The following FAM171A1 variants were observed in gnomAD, a reference collection of about 807,000 sequenced individuals.
The protein encoded by FAM171A1 is family with sequence similarity 171 member A1, also known as protein FAM171A1.
Under a neutral mutation model 74.9 loss-of-function variants are expected in FAM171A1, and 23 were observed. That is an observed-to-expected ratio of 0.31 (90% CI 0.22 to 0.44). The LOEUF (loss-of-function observed/expected upper bound fraction) is 0.44, where lower values mean the gene tolerates loss of function less well. Among genes scored for constraint, FAM171A1 ranks in the 20% least tolerant of loss-of-function variants. The pLI is 1.00. For synonymous variants in FAM171A1, 527 were observed against 505.7 expected, an observed-to-expected ratio of 1.04 and a Z score of -0.57; for missense variants, 1,162 against 1,159.2, an observed-to-expected ratio of 1.00 and a Z score of -0.03.
intron 5 of FAM171A1, among the ~76,000 whole-genome samples, chr10:15,226,255 G>C (rs1352971430): frequency 1.3e-5 from 2 of 152,192 alleles, no homozygotes; most frequent in Non-Finnish European, 2.9e-5. Flanking sequence ...ACAATGACAT[G>C]TGCCTCTCTG....
intron 1 of FAM171A1, among the ~76,000 whole-genome samples, chr10:15,368,657 C>A (rs938823132): frequency 6.6e-6 from 1 of 152,186 alleles, no homozygotes; most frequent in African/African-American, 2.4e-5. Flanking sequence ...ACCTACTCAG[C>A]ACCATCTGAG....
At chr10:15,306,651 C>G (rs1835299359) in intron 1 of FAM171A1, among the ~76,000 whole-genome samples, 1 of 152,200 alleles carries the variant, frequency 6.6e-6, no homozygotes, top group Non-Finnish European at 1.5e-5. Flanking sequence ...TAGGCGTGAG[C>G]CACTGAGCCT....
chr10:15,317,748 C>A (rs1835440011), intron 1 of FAM171A1, among the ~76,000 whole-genome samples: 1 of 152,042 alleles, frequency 6.6e-6, no homozygotes, highest in South Asian at 2.1e-4. Flanking sequence ...AAATATATAC[C>A]CACTAGGGTC....
chr10:15,221,071 G>C lies in FAM171A1; in HGVS notation c.755-11C>G, dbSNP rs201273576. On this transcript the variant is annotated splice_polypyrimidine_tract_variant and intron_variant, in intron 5 of 7. Coordinates refer to ENST00000378116, the MANE Select transcript of FAM171A1 (RefSeq NM_001010924.2). ...TCTTCAGCCACGTTCCTGTGGAATT[G>C]AGAAAGAGATGTTAGCTACAAGCAC... is the stretch of plus-strand genomic sequence containing the variant. 1.3e-5 allele frequency: 21 copies of C among 1,611,086 alleles called. No homozygotes were observed. The highest frequency in any genetic ancestry group is 1.8e-5 in the Non-Finnish European group (21 of 1,177,568).
At chr10:15,223,598 T>TA (rs1460137121) in intron 5 of FAM171A1, among the ~76,000 whole-genome samples, 3 of 152,116 alleles carry the variant, frequency 2.0e-5, no homozygotes. Flanking sequence ...AAACAGACTT[T>TA]AAAAAATAGC....
At chr10:15,350,374 G>A (rs571775564) in intron 1 of FAM171A1, among the ~76,000 whole-genome samples, 3 of 152,104 alleles carry the variant, frequency 2.0e-5, no homozygotes, top group South Asian at 2.1e-4. Context: ...ATCTCACTGT[G>A]TTGCCCAGGC....
At chr10:15,329,431 T>C (rs1835599903) in intron 1 of FAM171A1, among the ~76,000 whole-genome samples, 1 of 152,024 alleles carries the variant, frequency 6.6e-6, no homozygotes, top group African/African-American at 2.4e-5. Context: ...GGAGGACTGC[T>C]TGAGTGCCCA....
intron 5 of FAM171A1, among the ~76,000 whole-genome samples, chr10:15,226,554 A>G (rs1308285482): frequency 6.6e-6 from 1 of 152,064 alleles, no homozygotes; most frequent in Admixed American, 6.6e-5. Context: ...ACCATCTGGG[A>G]GCTACTCTTC....
At chr10:15,282,042 C>A (rs916084273) in intron 2 of FAM171A1, among the ~76,000 whole-genome samples, 1 of 152,108 alleles carries the variant, frequency 6.6e-6, no homozygotes, top group African/African-American at 2.4e-5. Flanking sequence ...CAGGGCCAAG[C>A]TTTTCATGTC....
At chr10:15,313,146 A>G (rs1266452091) in intron 1 of FAM171A1, among the ~76,000 whole-genome samples, 8 of 152,182 alleles carry the variant, frequency 5.3e-5, no homozygotes, top group African/African-American at 1.7e-4. Context: ...GTAGAGTCCC[A>G]GGGCACTGGA....
chr10:15,352,068 T>G (rs1295572140), intron 1 of FAM171A1, among the ~76,000 whole-genome samples: 2 of 24,928 alleles, frequency 8.0e-5, no homozygotes, highest in East Asian at 1.6e-3. Context: ...AATTTTTTTT[T>G]GTAAAAATAC....
chr10:15,292,896 C>T (rs1385408655), intron 1 of FAM171A1, among the ~76,000 whole-genome samples: 2 of 39,330 alleles, frequency 5.1e-5, no homozygotes, highest in Non-Finnish European at 4.6e-5. Context: ...TAATACCCAG[C>T]ACTTATTCAA....
chr10:15,303,943 C>T (rs754460186), intron 1 of FAM171A1, among the ~76,000 whole-genome samples: 2 of 152,194 alleles, frequency 1.3e-5, no homozygotes, highest in East Asian at 1.9e-4. Flanking sequence ...CCTCCTTGTG[C>T]GGGAGCCACA....
At chr10:15,274,076 G>T (rs1326677243) in intron 3 of FAM171A1, among the ~76,000 whole-genome samples, 1 of 152,038 alleles carries the variant, frequency 6.6e-6, no homozygotes, top group African/African-American at 2.4e-5. Context: ...ATTCAATTAG[G>T]AAAAAAGGAA....
At position 15,228,136 on chromosome 10, in the gene FAM171A1, T is replaced by C. The variant is rs550962313; in HGVS notation, c.755-7076A>G. ...GAGATCACAGTTACCTGGCTTTTCC[T>C]GCCTGGCACATTTACTCTGCCTGGA... On this transcript the variant is annotated intron_variant, in intron 5 of 7. Coordinates refer to ENST00000378116, the MANE Select transcript of FAM171A1 (RefSeq NM_001010924.2). Among the ~76,000 whole-genome samples, 5 of 152,294 alleles carry C rather than the reference T, an allele frequency of 3.3e-5. No individual in the cohort carries two copies. In the East Asian group the frequency reaches 9.7e-4, roughly 29 times the overall value.
intron 1 of FAM171A1, among the ~76,000 whole-genome samples, chr10:15,288,070 C>A (rs527994751): frequency 6.6e-6 from 1 of 152,300 alleles, no homozygotes; most frequent in Admixed American, 6.5e-5. Context: ...CCAATTCCTT[C>A]CAGGTTGCTG....
chr10:15,219,525 C>T (rs182109152), intron 6 of FAM171A1, among the ~76,000 whole-genome samples: 2 of 152,292 alleles, frequency 1.3e-5, no homozygotes, highest in East Asian at 1.9e-4. Context: ...GGCATTTCTA[C>T]GTGTGGTTCA....
intron 1 of FAM171A1, among the ~76,000 whole-genome samples, chr10:15,370,745 A>G (rs1488782033): frequency 5.3e-5 from 6 of 114,072 alleles, no homozygotes; most frequent in African/African-American, 2.0e-4. Context: ...CCGGCCCCCG[A>G]AGCCTCCGCC....
intron 1 of FAM171A1, among the ~76,000 whole-genome samples, chr10:15,359,295 A>T (rs1163366284): frequency 6.6e-6 from 1 of 152,234 alleles, no homozygotes; most frequent in Non-Finnish European, 1.5e-5. Flanking sequence ...GTCAGCATAC[A>T]AAAACAGCAC....
Sources: gnomAD v4.1 joint callset for allele counts (sites outside exome capture counted in the v4.1 genomes callset) on GRCh38, gnomAD v4.1.1 for gene constraint, MANE v1.5 for transcripts, NCBI Gene and HGNC (gene_info 2026-07-23, HGNC 2026-07-21) for gene names.